The following EPHA5 variants were observed in gnomAD, a reference collection of about 807,000 sequenced individuals.
EPHA5 encodes ephrin type-A receptor 5.
Under a neutral mutation model 105.0 loss-of-function variants are expected in EPHA5, and 60 were observed. The ratio of observed to expected loss-of-function variants is 0.57; its 90% CI spans 0.46 to 0.71. EPHA5 has a LOEUF of 0.71. Among genes scored for constraint, EPHA5 ranks in the 30% least tolerant of loss-of-function variants. EPHA5 has a pLI of 0.00. For synonymous variants in EPHA5, 513 were observed against 449.1 expected, an observed-to-expected ratio of 1.14 and a Z score of -1.80; for missense variants, 1,218 against 1,274.7, an observed-to-expected ratio of 0.96 and a Z score of 0.68.
At chr4:65,420,419 T>C (rs1038171019) in intron 6 of EPHA5, 22 bp downstream of exon 6, 1 of 1,542,320 alleles carries the variant, frequency 6.5e-7, no homozygotes, top group Non-Finnish European at 8.7e-7. Context: ...AGTGAGGACA[T>C]TTTTTATTCT....
chr4:65,518,051 C>G (rs1734278650), intron 3 of EPHA5, among the ~76,000 whole-genome samples: 1 of 151,810 alleles, frequency 6.6e-6, no homozygotes, highest in Non-Finnish European at 1.5e-5. Flanking sequence ...AATTTTCTGT[C>G]TTACAAATCA....
chr4:65,320,416 G>A lies in EPHA5; in HGVS notation c.*3698C>T, dbSNP rs572971398. On this transcript the variant is annotated 3_prime_UTR_variant, in exon 17 of 17. Coordinates refer to ENST00000613740, the MANE Select transcript of EPHA5 (RefSeq NM_001281766.3). ...AAGTTAAACATCTGGCAGGACATTA[G>A]CAAAGACAGTTTACTATCACACTTC... 199 of 229,784 alleles carry A rather than the reference G, an allele frequency of 8.7e-4. No individual in the cohort carries two copies. Among genetic ancestry groups the A allele is most frequent in the African/African-American group, 4.2e-3 (190 of 45,130 alleles). The allele number at this position is 229,784 out of a possible 1,614,324, so 14.2% of individuals were successfully genotyped here.
At chr4:65,555,338 C>T (rs1427898257) in intron 3 of EPHA5, among the ~76,000 whole-genome samples, 3 of 151,936 alleles carry the variant, frequency 2.0e-5, no homozygotes, top group African/African-American at 7.2e-5. Flanking sequence ...ATTTGAAAAT[C>T]GTGATTTTAA....
At chr4:65,539,190 C>T (rs1238982364) in intron 3 of EPHA5, among the ~76,000 whole-genome samples, 2 of 151,560 alleles carry the variant, frequency 1.3e-5, no homozygotes, top group African/African-American at 2.4e-5. Flanking sequence ...AACTGACTGC[C>T]TTGGAACTGA....
At chr4:65,423,155 G>T (rs1578082712) in intron 5 of EPHA5, among the ~76,000 whole-genome samples, 1 of 151,926 alleles carries the variant, frequency 6.6e-6, no homozygotes, top group East Asian at 1.9e-4. Flanking sequence ...TCTCTCAACT[G>T]GGATTAATTT....
At chr4:65,353,603 A>T (rs1294248019) in intron 11 of EPHA5, among the ~76,000 whole-genome samples, 1 of 151,540 alleles carries the variant, frequency 6.6e-6, no homozygotes, top group Non-Finnish European at 1.5e-5. Flanking sequence ...ATTAGGATAA[A>T]TTTTATTTTA....
chr4:65,569,128 T>C (rs545269620), intron 3 of EPHA5, among the ~76,000 whole-genome samples: 1 of 151,654 alleles, frequency 6.6e-6, no homozygotes, highest in African/African-American at 2.4e-5. Flanking sequence ...TATTAATAGA[T>C]AGTGAGCTAT....
At chr4:65,585,682 G>A (rs948357886) in intron 3 of EPHA5, among the ~76,000 whole-genome samples, 6 of 151,770 alleles carry the variant, frequency 4.0e-5, no homozygotes, top group Admixed American at 3.3e-4. Flanking sequence ...GGAGATTACA[G>A]TTACATTTAG....
chr4:65,325,638 T>C (rs7356402), intron 16 of EPHA5, among the ~76,000 whole-genome samples: 15,048 of 151,218 alleles, frequency 0.1, 968 homozygotes, highest in African/African-American at 0.17. Context: ...AACTTAAAAT[T>C]AGTAAAATTA....
At chr4:65,500,525 T>C (rs573878238) in intron 3 of EPHA5, among the ~76,000 whole-genome samples, 8 of 150,236 alleles carry the variant, frequency 5.3e-5, no homozygotes, top group African/African-American at 2.0e-4. Context: ...TGAGAAATTG[T>C]TTAAAGATTC....
intron 2 of EPHA5, among the ~76,000 whole-genome samples, chr4:65,609,701 C>T (rs533604656): frequency 6.4e-4 from 96 of 150,162 alleles, no homozygotes; most frequent in African/African-American, 2.1e-3. Context: ...GGATCCTTTC[C>T]TCATTAATTC....
intron 8 of EPHA5, among the ~76,000 whole-genome samples, chr4:65,384,979 G>C (rs1451172): frequency 0.1 from 15,164 of 151,402 alleles, 835 homozygotes; most frequent in Non-Finnish European, 0.13. Flanking sequence ...CGTCTGTCTC[G>C]GGGGCCTCTT....
intron 3 of EPHA5, among the ~76,000 whole-genome samples, chr4:65,594,567 A>G (rs1160986790): frequency 6.6e-6 from 1 of 152,188 alleles, no homozygotes; most frequent in African/African-American, 2.4e-5. Context: ...CACTAGCATA[A>G]TTTCTTTTAT....
intron 4 of EPHA5, 82 bp from the exon 5 acceptor site, chr4:65,490,794 G>A: frequency 7.2e-7 from 1 of 1,381,172 alleles, no homozygotes; most frequent in Non-Finnish European, 9.8e-7. Context: ...TTCCTGGTCT[G>A]AAGGAAAAAA....
chr4:65,414,419 T>G lies in EPHA5; in HGVS notation c.1552A>C (p.Ile518Leu), dbSNP rs1404228429. The G allele has an allele frequency of 6.2e-7, 1 of 1,613,964 alleles. No homozygotes were observed. The highest frequency in any genetic ancestry group is 1.1e-5 in the South Asian group (1 of 91,082). Residue 518 changes from isoleucine (I) to leucine (L), a missense_variant, in exon 7 of 17, where the codon ATC (isoleucine) becomes CTC (leucine). By Grantham distance (5) the Ile-to-Leu change is conservative. This residue lies in a region of EPHA5 where 971 missense variants were observed against 1,013.5 expected (regional missense o/e 0.96). Coordinates refer to ENST00000613740, the MANE Select transcript of EPHA5 (RefSeq NM_001281766.3). ...EKDQETSYTIIKSKETTITAE... is the reference protein window; with the variant it reads ...EKDQETSYTILKSKETTITAE... ...GTAATAGTTGTCTCTTTAGATTTGA[T>G]AATCGTGTAGCTGGTCTCTTGGTCC...
intron 8 of EPHA5, 96 bp downstream of exon 8, chr4:65,404,278 T>A (rs1345143532): frequency 2.3e-6 from 2 of 874,384 alleles, no homozygotes; most frequent in Admixed American, 3.9e-5. Flanking sequence ...ATTGCTTGCC[T>A]GATTTGTTTT....
At chr4:65,433,287 T>G (rs1210315473) in intron 5 of EPHA5, among the ~76,000 whole-genome samples, 3 of 152,166 alleles carry the variant, frequency 2.0e-5, no homozygotes, top group Admixed American at 6.5e-5. Context: ...TTTGGGAAGC[T>G]TCCATATTCA....
At chr4:65,563,970 A>AT (rs775606913) in intron 3 of EPHA5, among the ~76,000 whole-genome samples, 2 of 152,012 alleles carry the variant, frequency 1.3e-5, no homozygotes, top group East Asian at 1.9e-4. Context: ...CTCTCAAACT[A>AT]TTTTTTGCCA....
intron 11 of EPHA5, among the ~76,000 whole-genome samples, chr4:65,362,310 G>T (rs1717411296): frequency 6.6e-6 from 1 of 151,610 alleles, no homozygotes; most frequent in Non-Finnish European, 1.5e-5. Flanking sequence ...TCTGTGTGCT[G>T]CTGGTTGAGA....
Sources: gnomAD v4.1 joint callset for allele counts (sites outside exome capture counted in the v4.1 genomes callset) on GRCh38, gnomAD v4.1.1 for gene constraint, gnomAD v4.1.1 regional missense constraint, MANE v1.5 for transcripts, NCBI Gene and HGNC (gene_info 2026-07-23, HGNC 2026-07-21) for gene names.